EXOC6: variants seen among roughly 807,000 people sequenced by gnomAD.
The protein encoded by EXOC6 is SEC15-like 1.
EXOC6 carries 60 observed loss-of-function variants against 112.5 expected under a neutral mutation model. That is an observed-to-expected ratio of 0.53 (90% CI 0.43 to 0.66). The LOEUF (loss-of-function observed/expected upper bound fraction) is 0.66, where lower values mean the gene tolerates loss of function less well. Ranked by LOEUF, EXOC6 falls within the 30% of genes least tolerant of loss-of-function variation. EXOC6 has a pLI of 0.00. For missense variants in EXOC6, 855 were observed against 957.1 expected (o/e 0.89, Z 1.41); for synonymous variants, 295 against 308.0 (o/e 0.96, Z 0.44).
At chr10:93,020,655 C>T (rs1844742550) in intron 20 of EXOC6, among the ~76,000 whole-genome samples, 1 of 152,100 alleles carries the variant, frequency 6.6e-6, no homozygotes, top group South Asian at 2.1e-4. Flanking sequence ...AAATAAGAGA[C>T]TGATTTGATG....
At chr10:93,054,984 C>T (rs1455060977) in intron 20 of EXOC6, among the ~76,000 whole-genome samples, 1 of 152,110 alleles carries the variant, frequency 6.6e-6, no homozygotes, top group African/African-American at 2.4e-5. Context: ...TTAATCCCAC[C>T]ACATAAATGA....
At chr10:93,056,558 C>T (rs1279631688) in intron 20 of EXOC6, among the ~76,000 whole-genome samples, 1 of 152,138 alleles carries the variant, frequency 6.6e-6, no homozygotes, top group Non-Finnish European at 1.5e-5. Context: ...ATTCTTCATA[C>T]AGGTTAGTAG....
At chr10:92,859,226 GTT>G (rs1373696329) in intron 1 of EXOC6, among the ~76,000 whole-genome samples, 1 of 152,142 alleles carries the variant, frequency 6.6e-6, no homozygotes, top group Non-Finnish European at 1.5e-5. Context: ...GCAGGTTGTT[GTT>G]TGTGTGCTTG....
At chr10:92,935,951 A>G (rs1564843652) in intron 12 of EXOC6, 66 bp downstream of exon 12, 3 of 1,008,870 alleles carry the variant, frequency 3.0e-6, no homozygotes. Flanking sequence ...TATAGGCTAT[A>G]CTCATTTATG....
intron 9 of EXOC6, among the ~76,000 whole-genome samples, chr10:92,931,818 G>A (rs1047988533): frequency 2.6e-5 from 4 of 151,962 alleles, no homozygotes; most frequent in Non-Finnish European, 5.9e-5. Context: ...GAATCAAGTG[G>A]AACTCTCATA....
rs116091550 is a variant in EXOC6, at chr10:92,866,701, A to G, written c.101+18067A>G. On this transcript the variant is annotated intron_variant, in intron 1 of 21. Coordinates refer to ENST00000260762, the MANE Select transcript of EXOC6 (RefSeq NM_019053.6). The stretch of plus-strand genomic sequence containing the variant: ...AACCTGTATGTGTTTAGGAAAAAAA[A>G]TCTTAGCAGAATAAAATGATTAATC... Among the ~76,000 whole-genome samples the G allele has an allele frequency of 2.3e-3, 349 of 152,262 alleles. 1 individual carries two copies. The highest frequency in any genetic ancestry group is 7.7e-3 in the African/African-American group (322 of 41,578).
intron 1 of EXOC6, among the ~76,000 whole-genome samples, chr10:92,856,643 TGA>T (rs1306724110): frequency 1.3e-5 from 2 of 152,332 alleles, no homozygotes; most frequent in East Asian, 3.9e-4. Context: ...CATGTTCCCT[TGA>T]GAAGACTGTG....
chr10:92,951,004 C>T (rs10786063), intron 14 of EXOC6, among the ~76,000 whole-genome samples: 47,028 of 151,854 alleles, frequency 0.31, 8,039 homozygotes, highest in East Asian at 0.73. Context: ...TGAGGGGTAA[C>T]GGAGATAAAG....
chr10:92,858,022 T>TCCCGC (rs1554882160), intron 1 of EXOC6, among the ~76,000 whole-genome samples: 1 of 101,272 alleles, frequency 9.9e-6, no homozygotes, highest in Non-Finnish European at 2.0e-5. Flanking sequence ...GTTGACGGGT[T>TCCCGC]CCCCCCCTCC....
At chr10:93,014,323 CA>C in intron 20 of EXOC6, 56 bp downstream of exon 20, 4 of 1,370,994 alleles carry the variant, frequency 2.9e-6, no homozygotes, top group Admixed American at 3.7e-5. Flanking sequence ...GCCCTCCCCT[CA>C]CTTTTTTTTT....
chr10:93,004,453 A>C (rs1590020476), intron 19 of EXOC6, among the ~76,000 whole-genome samples: 1 of 152,204 alleles, frequency 6.6e-6, no homozygotes, highest in Non-Finnish European at 1.5e-5. Flanking sequence ...ATTTCAACTC[A>C]AGACCATTTA....
chr10:93,020,541 A>C (rs1490677540), intron 20 of EXOC6, among the ~76,000 whole-genome samples: 1 of 152,122 alleles, frequency 6.6e-6, no homozygotes, highest in Non-Finnish European at 1.5e-5. Flanking sequence ...TATTAAAAAT[A>C]TGTTTGCCTA....
chr10:92,912,138 G>A (rs1012783417), intron 6 of EXOC6, among the ~76,000 whole-genome samples: 3 of 151,228 alleles, frequency 2.0e-5, no homozygotes, highest in African/African-American at 4.9e-5. Flanking sequence ...GCTTAATTCC[G>A]TGATCTCGTA....
At chr10:93,017,672 G>A (rs1370736860) in intron 20 of EXOC6, among the ~76,000 whole-genome samples, 7 of 151,912 alleles carry the variant, frequency 4.6e-5, no homozygotes, top group African/African-American at 7.3e-5. Flanking sequence ...ACCACTATAC[G>A]ATTCATCCAT....
intron 19 of EXOC6, among the ~76,000 whole-genome samples, chr10:93,000,495 T>A (rs1194328474): frequency 6.6e-6 from 1 of 152,086 alleles, no homozygotes; most frequent in Non-Finnish European, 1.5e-5. Context: ...AGGTCCTGAG[T>A]ATGAGCTATA....
chr10:92,909,392 C>G lies in EXOC6; in HGVS notation c.459-35C>G, dbSNP rs371357330. ...ACTTGTAAAAATATTGTGATAAGAA[C>G]TTTTTATAGAGTTTTCTTTTTTAAC... On this transcript the variant is annotated intron_variant, in intron 5 of 21. Coordinates refer to ENST00000260762, the MANE Select transcript of EXOC6 (RefSeq NM_019053.6). 6,173 of 1,457,198 alleles carry G rather than the reference C, an allele frequency of 4.2e-3. 29 individuals are homozygous for G. Among genetic ancestry groups the G allele is most frequent in the Non-Finnish European group, 5.2e-3 (5,515 of 1,064,106 alleles). The allele number at this position is 1,457,198 out of a possible 1,614,324, so 90.3% of individuals were successfully genotyped here. A position where few individuals can be genotyped will look rare whatever the true frequency, so the allele number is the denominator to read the frequency against.
rs199894052 is a variant in EXOC6, at chr10:93,008,536, A to G, written c.2096-5658A>G. On this transcript the variant is annotated intron_variant, in intron 19 of 21. Transcript: ENST00000260762. ...GAATCCCCAAAATATGACAAATTAT[A>G]TACAAAATGAGAATCTGAATGAGCC... Among the ~76,000 whole-genome samples the G allele has an allele frequency of 3.3e-5, 5 of 152,238 alleles. No individual in the cohort carries two copies. In the East Asian group the frequency reaches 7.7e-4, roughly 23 times the overall value.
chr10:92,852,968 TA>T (rs1220291960), intron 1 of EXOC6, among the ~76,000 whole-genome samples: 6 of 152,162 alleles, frequency 3.9e-5, no homozygotes, highest in African/African-American at 1.4e-4. Context: ...AAACCGTCTT[TA>T]TTTGCACACT....
chr10:92,996,109 A>G (rs987696442), intron 18 of EXOC6, among the ~76,000 whole-genome samples: 1 of 152,234 alleles, frequency 6.6e-6, no homozygotes, highest in African/African-American at 2.4e-5. Context: ...TAGGAAAAAT[A>G]TAATTATCAA....
Sources: allele counts gnomAD v4.1 joint callset (sites outside exome capture counted in the v4.1 genomes callset), GRCh38; gene constraint gnomAD v4.1.1; transcripts MANE v1.5; gene names NCBI Gene and HGNC (gene_info 2026-07-23, HGNC 2026-07-21).